The following TNC variants were observed in gnomAD, a reference collection of about 807,000 sequenced individuals.
The protein encoded by TNC is tenascin.
A neutral mutation model predicts 202.4 loss-of-function variants in TNC; 109 were observed. The observed-to-expected ratio is 0.54, with a 90% CI of 0.46 to 0.63. TNC has a LOEUF of 0.63. Ranked by LOEUF, TNC falls within the 30% of genes least tolerant of loss-of-function variation. The pLI is 0.00. For missense variants in TNC, 2,756 were observed against 2,833.3 expected, an observed-to-expected ratio of 0.97 and a Z score of 0.62; for synonymous variants, 1,007 against 1,089.7, an observed-to-expected ratio of 0.92 and a Z score of 1.50.
At chr9:115,111,097 T>A (rs1302034311) in intron 1 of TNC, among the ~76,000 whole-genome samples, 3 of 152,066 alleles carry the variant, frequency 2.0e-5, no homozygotes, top group Non-Finnish European at 4.4e-5. Flanking sequence ...TCGATCAATT[T>A]TTTTATTACT....
At chr9:115,035,113 T>C in intron 22 of TNC, 91 bp downstream of exon 22, 1 of 1,420,614 alleles carries the variant, frequency 7.0e-7, no homozygotes. Flanking sequence ...TGCACTGGGG[T>C]AGAAAAACAG....
intron 23 of TNC, 78 bp from the exon 24 acceptor site, chr9:115,030,483 G>A (rs1021953085): frequency 2.6e-5 from 37 of 1,431,030 alleles, no homozygotes; most frequent in South Asian, 1.2e-4. Context: ...TTAACTCTAT[G>A]GACTAGAATG....
Position 115,030,350 on chromosome 9 carries a change from G to A in TNC, c.5976C>T (p.Asp1992=), listed in dbSNP as rs1361538285. The A allele has an allele frequency of 6.2e-7, 1 of 1,613,688 alleles. No individual in the cohort carries two copies. Among genetic ancestry groups the A allele is most frequent in the African/African-American group, 1.3e-5 (1 of 74,954 alleles). Reference sequence around the variant, plus strand: ...AAATGGTGTAGAGGCCAGAGGTCGTGTCTCCATTCAGCATTGCTTGGGAGC... The same window carrying A: ...AAATGGTGTAGAGGCCAGAGGTCGTATCTCCATTCAGCATTGCTTGGGAGC... The part of the protein sequence containing the change: ...KDCSQAMLNG[D]TTSGLYTIYL... Residue 1992 remains aspartate (D), a synonymous_variant, in exon 24 of 28, where the codon GAC becomes GAT. Transcript: ENST00000350763.
chr9:115,098,782 T>G (rs1404800978), intron 1 of TNC, among the ~76,000 whole-genome samples: 1 of 151,764 alleles, frequency 6.6e-6, no homozygotes, highest in African/African-American at 2.4e-5. Flanking sequence ...GGCCAAAGAG[T>G]TTTATTGTGC....
chr9:115,113,920 A>T (rs1168580327), intron 1 of TNC, among the ~76,000 whole-genome samples: 1 of 152,218 alleles, frequency 6.6e-6, no homozygotes, highest in Non-Finnish European at 1.5e-5. Context: ...ATGTGAGACA[A>T]GGTGGAGGGA....
At chr9:115,099,547 C>T (rs1836066071) in intron 1 of TNC, among the ~76,000 whole-genome samples, 1 of 152,188 alleles carries the variant, frequency 6.6e-6, no homozygotes, top group African/African-American at 2.4e-5. Context: ...AGGGTTCCAT[C>T]CAGTAGCTGT....
rs747168723 is a variant in TNC at position 115,076,422 on chromosome 9, C to T, written c.2828G>A (p.Ser943Asn). 5.0e-6 allele frequency: 8 copies of T among 1,613,270 alleles called. No individual in the cohort carries two copies. The highest frequency in any genetic ancestry group is 6.8e-6 in the Non-Finnish European group (8 of 1,179,686). The change falls in exon 8 of 28, where the codon AGC (serine) becomes AAC (asparagine). Residue 943 changes from serine (S) to asparagine (N), a missense_variant. By Grantham distance (46) the Ser-to-Asn change is conservative. Around this residue, in one of 2 missense-constraint regions of TNC, gnomAD observed 2,559 missense variants for 2,546.0 expected, o/e 1.01. Coordinates refer to ENST00000350763, the MANE Select transcript of TNC (RefSeq NM_002160.4). ...TGTGGTTTTGGTTGTGGCTTGTTGGCTCTTTGGAACATCAACCTCAGCGTG... is the reference window on the plus strand; with the variant it reads ...TGTGGTTTTGGTTGTGGCTTGTTGGTTCTTTGGAACATCAACCTCAGCGTG... ...GDHAEVDVPK[S>N]QQATTKTTLT...
chr9:115,061,108 G>A (rs1832511606), intron 13 of TNC, among the ~76,000 whole-genome samples: 1 of 152,166 alleles, frequency 6.6e-6, no homozygotes, highest in South Asian at 2.1e-4. Context: ...TGTTTTGAAG[G>A]CTGAAGTGGC....
In TNC at chr9:115,085,850, GC is replaced by G; in HGVS notation, c.1867+13del. On this transcript the variant is annotated intron_variant, in intron 3 of 27. Transcript: ENST00000350763. ...TCATGGCCATTATATGCTGGTCTGCGCCCTGGCACTCACCCTCTGAGCAGTC... is the reference window on the plus strand; with the variant it reads ...TCATGGCCATTATATGCTGGTCTGCGCCTGGCACTCACCCTCTGAGCAGTC... 1.0e-5 allele frequency: 16 copies of G among 1,592,558 alleles called. No individual in the cohort carries two copies. Among genetic ancestry groups the G allele is most frequent in the Non-Finnish European group, 1.4e-5 (16 of 1,164,044 alleles).
rs192534748 is a variant in TNC at position 115,029,999 on chromosome 9, T to C, written c.6072+255A>G. On this transcript the variant is annotated intron_variant, in intron 24 of 27. Transcript: ENST00000350763. ...AACTGTCATTTATACATCACAGAGT[T>C]GTTTGATGAGGATTGGATGAGATAA... Among the ~76,000 whole-genome samples the C allele has an allele frequency of 1.2e-3, 179 of 152,298 alleles. 2 individuals are homozygous for C. The highest frequency in any genetic ancestry group is 4.2e-3 in the African/African-American group (174 of 41,564).
intron 14 of TNC, 66 bp downstream of exon 14, chr9:115,059,664 C>T (rs1308299796): frequency 1.8e-5 from 26 of 1,478,334 alleles, no homozygotes; most frequent in South Asian, 8.1e-5. Flanking sequence ...GCTGACTCCG[C>T]GCATGATCTC....
At chr9:115,098,164 G>A (rs1835937051) in intron 1 of TNC, among the ~76,000 whole-genome samples, 1 of 152,160 alleles carries the variant, frequency 6.6e-6, no homozygotes, top group African/African-American at 2.4e-5. Context: ...AATTGCCTTG[G>A]TGTTAAATGT....
intron 6 of TNC, among the ~76,000 whole-genome samples, chr9:115,079,690 T>A (rs998070721): frequency 2.0e-5 from 3 of 152,192 alleles, no homozygotes; most frequent in African/African-American, 7.2e-5. Context: ...ATAAACCCAT[T>A]TTTCAGCTGT....
At chr9:115,105,143 G>T (rs1389524260) in intron 1 of TNC, among the ~76,000 whole-genome samples, 1 of 152,176 alleles carries the variant, frequency 6.6e-6, no homozygotes, top group East Asian at 1.9e-4. Flanking sequence ...CATACATTTT[G>T]ATAGAATATG....
chr9:115,058,736 T>C (rs765336442), intron 14 of TNC, among the ~76,000 whole-genome samples: 23 of 152,150 alleles, frequency 1.5e-4, no homozygotes, highest in Non-Finnish European at 2.4e-4. Flanking sequence ...CAATAATTAT[T>C]TAAAAAGGGG....
chr9:115,085,137 C>T (rs933119317), intron 3 of TNC, among the ~76,000 whole-genome samples: 1 of 152,192 alleles, frequency 6.6e-6, no homozygotes, highest in Non-Finnish European at 1.5e-5. Flanking sequence ...TTAATTTTCT[C>T]TCCTGTGTTT....
chr9:115,043,606 C>T (rs1009565144), intron 17 of TNC, among the ~76,000 whole-genome samples: 7 of 152,206 alleles, frequency 4.6e-5, no homozygotes, highest in Admixed American at 2.0e-4. Context: ...CAGCATCTGG[C>T]ATGCAGTGAG....
At position 115,021,023 on chromosome 9, in the gene TNC, G is replaced by A; in HGVS notation, c.*134C>T. 2 of 664,634 alleles carry A rather than the reference G, an allele frequency of 3.0e-6. No homozygotes were observed. The highest frequency in any genetic ancestry group is 5.1e-6 in the Non-Finnish European group (2 of 390,932). The allele number at this position is 664,634 out of a possible 1,614,324, so 41.2% of individuals were successfully genotyped here. On this transcript the variant is annotated 3_prime_UTR_variant, in exon 28 of 28. Coordinates refer to ENST00000350763, the MANE Select transcript of TNC (RefSeq NM_002160.4). The stretch of plus-strand genomic sequence containing the variant: ...CCATGCTGTTGCCGTTGGCCCCAGG[G>A]ATCCATGGTCAGCTTTGACTCTCAC...
At chr9:115,108,117 T>C (rs1451505395) in intron 1 of TNC, among the ~76,000 whole-genome samples, 1 of 152,216 alleles carries the variant, frequency 6.6e-6, no homozygotes, top group Non-Finnish European at 1.5e-5. Flanking sequence ...TGCTTGTCTC[T>C]ACCTCTAGAG....
Sources: gnomAD v4.1 joint callset for allele counts (sites outside exome capture counted in the v4.1 genomes callset) on GRCh38, gnomAD v4.1.1 for gene constraint, gnomAD v4.1.1 regional missense constraint, MANE v1.5 for transcripts, NCBI Gene and HGNC (gene_info 2026-07-23, HGNC 2026-07-21) for gene names.